Variants in RGMA observed in about 807,000 individuals in gnomAD.
The protein encoded by RGMA is repulsive guidance molecule BMP co-receptor a, also known as repulsive guidance molecule A.
Under a neutral mutation model 23.2 loss-of-function variants are expected in RGMA, and 10 were observed. The ratio of observed to expected loss-of-function variants is 0.43; its 90% CI spans 0.27 to 0.73. RGMA has a LOEUF of 0.73. RGMA is among the 30% of genes least tolerant of loss of function. RGMA has a pLI of 0.20. For missense variants in RGMA, 547 were observed against 630.5 expected, an observed-to-expected ratio of 0.87 and a Z score of 1.42; for synonymous variants, 308 against 279.3, an observed-to-expected ratio of 1.10 and a Z score of -1.03.
chr15:93,073,297 T>A, intron 1 of RGMA: 1 of 714,210 alleles, frequency 1.4e-6, no homozygotes, highest in Non-Finnish European at 1.8e-6. Context: ...GCCGGCGAGG[T>A]AGCCGGAGGC....
At chr15:93,069,173 G>C (rs546581627) in intron 2 of RGMA, among the ~76,000 whole-genome samples, 1 of 152,036 alleles carries the variant, frequency 6.6e-6, no homozygotes, top group Non-Finnish European at 1.5e-5. Context: ...ACAGTGGTGC[G>C]ATCTCAGCTC....
chr15:93,054,764 T>G (rs533793938), intron 2 of RGMA, among the ~76,000 whole-genome samples: 37 of 152,302 alleles, frequency 2.4e-4, no homozygotes, highest in African/African-American at 8.7e-4. Flanking sequence ...GATGCCCCCA[T>G]GTAGTCTTCC....
intron 2 of RGMA, among the ~76,000 whole-genome samples, chr15:93,067,975 A>G (rs1895211099): frequency 6.6e-6 from 1 of 151,924 alleles, no homozygotes; most frequent in Admixed American, 6.6e-5. Context: ...AGGTGATTAG[A>G]CCACATGGAG....
At chr15:93,080,389 G>C (rs1895539334) in intron 1 of RGMA, among the ~76,000 whole-genome samples, 1 of 152,028 alleles carries the variant, frequency 6.6e-6, no homozygotes, top group South Asian at 2.1e-4. Context: ...TTTTTGTGGA[G>C]ATGGGGTTTT....
rs1245749739 is a variant in RGMA, at chr15:93,043,238, A to G, written c.*1760T>C. The G allele has an allele frequency of 6.7e-6, 1 of 149,042 alleles. No homozygotes were observed. The highest frequency in any genetic ancestry group is 1.5e-5 in the Non-Finnish European group (1 of 67,334). The allele number at this position is 149,042 out of a possible 1,614,324, so 9.2% of individuals were successfully genotyped here. ...CACAGGCATGCGCACACATGCGTAC[A>G]TGCACGCACACAGGCACGCACACAC... On this transcript the variant is annotated 3_prime_UTR_variant, in exon 4 of 4. Transcript: ENST00000329082.
At chr15:93,066,458 G>A (rs988080692) in intron 2 of RGMA, 42 of 579,460 alleles carry the variant, frequency 7.2e-5, no homozygotes, top group African/African-American at 4.6e-4. Flanking sequence ...GGGTTGCCAC[G>A]GGTGCGGGGG....
Position 93,043,197 on chromosome 15 carries a change from T to C in RGMA, c.*1801A>G, listed in dbSNP as rs12913247. The C allele has an allele frequency of 0.89, 134,492 of 150,284 alleles. 61,617 individuals are homozygous for C. The highest frequency in any genetic ancestry group is 0.99 in the Non-Finnish European group (67,018 of 67,560). 9.3% of individuals were successfully genotyped at this position (150,284 alleles called of 1,614,324 possible). A position where few individuals can be genotyped will look rare whatever the true frequency, so the allele number is the denominator to read the frequency against. ...ACACACATGCCTACATGCACACACA[T>C]AGGCATGGGCGCACACACAGGCATG... On this transcript the variant is annotated 3_prime_UTR_variant, in exon 4 of 4. Transcript: ENST00000329082.
In RGMA at chr15:93,045,720, G is replaced by A. The variant is rs1439284789; in HGVS notation, c.646-15C>T. On this transcript the variant is annotated splice_polypyrimidine_tract_variant and intron_variant, in intron 3 of 3. Coordinates refer to ENST00000329082, the MANE Select transcript of RGMA (RefSeq NM_020211.3). This position sits in a 1 kb window ranked among gnomAD's most constrained non-coding sequence, Gnocchi z 6.9. ...ATGATGGTGAGCTGCCGGGGAAAGG[G>A]GCAGAGGAGAGTGGGTGAGGCACAG... 4 of 1,588,452 alleles carry A rather than the reference G, an allele frequency of 2.5e-6. No individual in the cohort carries two copies. The highest frequency in any genetic ancestry group is 2.2e-5 in the East Asian group (1 of 44,792).
intron 2 of RGMA, among the ~76,000 whole-genome samples, chr15:93,070,783 C>T (rs765248374): frequency 5.3e-5 from 8 of 152,252 alleles, no homozygotes; most frequent in African/African-American, 1.9e-4. Flanking sequence ...TCAGTTCCAT[C>T]GGCCAGGTTT....
At chr15:93,053,827 G>A (rs947384063) in intron 2 of RGMA, among the ~76,000 whole-genome samples, 7 of 152,132 alleles carry the variant, frequency 4.6e-5, no homozygotes, top group East Asian at 3.9e-4. Context: ...CCCCCTTCAC[G>A]TGACCCGTTT....
At chr15:93,088,015 C>T (rs953319847) in intron 1 of RGMA, among the ~76,000 whole-genome samples, 3 of 152,188 alleles carry the variant, frequency 2.0e-5, no homozygotes, top group East Asian at 1.9e-4. Context: ...CAGCTCACCA[C>T]TTCCGCTAGA....
At chr15:93,085,907 C>G (rs1895627735) in intron 1 of RGMA, among the ~76,000 whole-genome samples, 1 of 152,240 alleles carries the variant, frequency 6.6e-6, no homozygotes, top group Non-Finnish European at 1.5e-5. Flanking sequence ...AAACTGACTT[C>G]TGCCTGGCCT....
intron 2 of RGMA, among the ~76,000 whole-genome samples, chr15:93,058,233 A>T (rs1035689146): frequency 6.6e-6 from 1 of 152,188 alleles, no homozygotes; most frequent in African/African-American, 2.4e-5. Flanking sequence ...AGATGTTCTT[A>T]TGGGGCAGTG....
At chr15:93,069,559 T>C (rs2141836499) in intron 2 of RGMA, among the ~76,000 whole-genome samples, 1 of 150,702 alleles carries the variant, frequency 6.6e-6, no homozygotes, top group African/African-American at 2.4e-5. Flanking sequence ...GTTCAAAGTA[T>C]AAGGGGAAGA....
rs190259952 is a variant in RGMA, at chr15:93,065,622, T to C, written c.130+7294A>G. ...GTGGTGGCGGGGTCCCCACTGTTGATAGGGGCTGAGGTCTCAGGGGCTGCG... is the reference window on the plus strand; with the variant it reads ...GTGGTGGCGGGGTCCCCACTGTTGACAGGGGCTGAGGTCTCAGGGGCTGCG... On this transcript the variant is annotated intron_variant, in intron 2 of 3. Coordinates refer to ENST00000329082, the MANE Select transcript of RGMA (RefSeq NM_020211.3). 389 of 849,700 alleles carry C rather than the reference T, an allele frequency of 4.6e-4. 9 individuals carry two copies. In the East Asian group the frequency reaches 7.0e-3, roughly 15 times the overall value. The allele number at this position is 849,700 out of a possible 1,614,324, so 52.6% of individuals were successfully genotyped here. A position where few individuals can be genotyped will look rare whatever the true frequency, so the allele number is the denominator to read the frequency against.
At position 93,037,374 on chromosome 15, in the gene RGMA, C is replaced by T. The variant is rs1355780021; in HGVS notation, c.*7624G>A. 1.3e-5 allele frequency: 2 copies of T among 152,246 alleles called. No homozygotes were observed. The highest frequency in any genetic ancestry group is 2.4e-5 in the African/African-American group (1 of 41,444). The allele number at this position is 152,246 out of a possible 1,614,324, so 9.4% of individuals were successfully genotyped here. On this transcript the variant is annotated 3_prime_UTR_variant, in exon 4 of 4. Coordinates refer to ENST00000329082, the MANE Select transcript of RGMA (RefSeq NM_020211.3). The surrounding 1 kb of genome is among the most constrained non-coding windows in gnomAD (Gnocchi z 4.3). ...GTCTGTGCCCATGCCACTGTCCATC[C>T]CTGGCCATCCAGGCCCGTGAAACAC...
chr15:93,079,559 C>G (rs1045890810), intron 1 of RGMA, among the ~76,000 whole-genome samples: 1 of 152,198 alleles, frequency 6.6e-6, no homozygotes, highest in Non-Finnish European at 1.5e-5. Context: ...GTGGCTCACA[C>G]CTGTAATCCC....
At chr15:93,066,180 T>TC in intron 2 of RGMA, 1 of 1,424,802 alleles carries the variant, frequency 7.0e-7, no homozygotes, top group Non-Finnish European at 9.9e-7. Context: ...CACCCTTCTC[T>TC]CCTTCCACGA....
chr15:93,077,744 G>A (rs183350795), intron 1 of RGMA, among the ~76,000 whole-genome samples: 130 of 152,308 alleles, frequency 8.5e-4, no homozygotes, highest in Middle Eastern at 3.4e-3. Flanking sequence ...CTGCCCTGTC[G>A]CCCAGGAGGC....
Sources: allele counts gnomAD v4.1 joint callset (sites outside exome capture counted in the v4.1 genomes callset), GRCh38; gene constraint gnomAD v4.1.1; non-coding constraint Gnocchi (gnomAD v3.1); transcripts MANE v1.5; gene names NCBI Gene and HGNC (gene_info 2026-07-23, HGNC 2026-07-21).